The following NLN variants were observed in gnomAD, a reference collection of about 807,000 sequenced individuals.
The protein encoded by NLN is neurolysin, also known as neurolysin, mitochondrial.
Under a neutral mutation model 79.9 loss-of-function variants are expected in NLN, and 64 were observed. That is an observed-to-expected ratio of 0.80 (90% confidence interval 0.65 to 0.99). The LOEUF (loss-of-function observed/expected upper bound fraction) is 0.99, where lower values mean the gene tolerates loss of function less well. Among genes scored for constraint, NLN ranks in the 50% least tolerant of loss-of-function variants. The pLI is 0.00. For missense variants in NLN, 835 were observed against 858.7 expected, an observed-to-expected ratio of 0.97 and a Z score of 0.34; for synonymous variants, 267 against 296.6, an observed-to-expected ratio of 0.90 and a Z score of 1.02.
At position 65,825,848 on chromosome 5, in the gene NLN, G is replaced by C. The variant is rs779157868; in HGVS notation, c.*2933G>C. On this transcript the variant is annotated 3_prime_UTR_variant, in exon 13 of 13. Transcript: ENST00000380985. Reference sequence around the variant, plus strand: ...CTTTAGCTTTTATGTATGAATTATAGGTCTGTGGAGATTCTGCCTCCCCAC... The same window carrying C: ...CTTTAGCTTTTATGTATGAATTATACGTCTGTGGAGATTCTGCCTCCCCAC... The C allele has an allele frequency of 1.1e-4, 17 of 152,140 alleles. No homozygotes were observed. Among genetic ancestry groups the C allele is most frequent in the Non-Finnish European group, 2.2e-4 (15 of 68,038 alleles). 9.4% of individuals were successfully genotyped at this position (152,140 alleles called of 1,614,324 possible).
chr5:65,822,719 T>C lies in NLN; in HGVS notation c.1981-62T>C. ...CACCCCTACCCTCTCCTCTTTTGCA[T>C]CTAGAGATTTGGAAAATTGCTAGAA... On this transcript the variant is annotated intron_variant, in intron 12 of 12. Coordinates refer to ENST00000380985, the MANE Select transcript of NLN (RefSeq NM_020726.5). 5.4e-6 allele frequency: 7 copies of C among 1,292,892 alleles called. No homozygotes were observed. The South Asian group carries it at 8.3e-5, about 15-fold the overall frequency. 80.1% of individuals were successfully genotyped at this position (1,292,892 alleles called of 1,614,324 possible).
intron 3 of NLN, 47 bp from the exon 4 acceptor site, chr5:65,777,380 C>T: frequency 1.7e-6 from 2 of 1,186,718 alleles, no homozygotes; most frequent in Non-Finnish European, 2.5e-6. Flanking sequence ...TATAATTTAC[C>T]TGTGCACTGT....
chr5:65,769,910 G>A (rs1383646342), intron 3 of NLN, among the ~76,000 whole-genome samples: 1 of 152,206 alleles, frequency 6.6e-6, no homozygotes, highest in Non-Finnish European at 1.5e-5. Flanking sequence ...TAAAAAGCAA[G>A]CATTCAGTAA....
At chr5:65,722,509 G>GCCTCT (rs1758337776) in intron 1 of NLN, 95 bp downstream of exon 1, 9 of 1,172,308 alleles carry the variant, frequency 7.7e-6, no homozygotes, top group Admixed American at 6.5e-5. Context: ...TCCCGACCGC[G>GCCTCT]CCTCTCCGAC....
chr5:65,813,266 A>G (rs1257532969), intron 12 of NLN, among the ~76,000 whole-genome samples: 2 of 152,074 alleles, frequency 1.3e-5, no homozygotes, highest in Admixed American at 6.5e-5. Context: ...GAAGCATTTC[A>G]TCTCCCATCC....
rs1758324277 is a variant in NLN at position 65,722,317 on chromosome 5, TCGCCGCCCCA to T, written c.-51_-42del. 2 of 1,456,114 alleles carry T rather than the reference TCGCCGCCCCA, an allele frequency of 1.4e-6. No homozygotes were observed. The highest frequency in any genetic ancestry group is 5.7e-5 in the East Asian group (2 of 34,974). 90.2% of individuals were successfully genotyped at this position (1,456,114 alleles called of 1,614,324 possible). ...GGGCGCCCAGGCGCTGCCGCCCGCC[TCGCCGCCCCA>T]CGCCGAAGGACCACGCGCCCGCCGC... is the stretch of plus-strand genomic sequence containing the variant. On this transcript the variant is annotated 5_prime_UTR_variant, in exon 1 of 13. Coordinates refer to ENST00000380985, the MANE Select transcript of NLN (RefSeq NM_020726.5).
intron 8 of NLN, among the ~76,000 whole-genome samples, chr5:65,789,172 T>C (rs1290616389): frequency 6.6e-6 from 1 of 152,152 alleles, no homozygotes; most frequent in African/African-American, 2.4e-5. Context: ...CTCTTCCATA[T>C]TTCTCACATG....
intron 1 of NLN, among the ~76,000 whole-genome samples, chr5:65,752,999 A>G (rs1759133663): frequency 6.6e-6 from 1 of 152,154 alleles, no homozygotes; most frequent in African/African-American, 2.4e-5. Flanking sequence ...ATTAAGGGAG[A>G]AATAGCTTTT....
At chr5:65,791,956 T>C (rs949612167) in intron 8 of NLN, among the ~76,000 whole-genome samples, 5 of 152,218 alleles carry the variant, frequency 3.3e-5, no homozygotes, top group African/African-American at 1.2e-4. Context: ...CCTGTCTAGT[T>C]TATAAAAGAA....
At chr5:65,782,944 C>A (rs535633986) in intron 6 of NLN, among the ~76,000 whole-genome samples, 1 of 152,312 alleles carries the variant, frequency 6.6e-6, no homozygotes, top group Non-Finnish European at 1.5e-5. Context: ...TGCTTCCCAG[C>A]CTGCAATGTC....
chr5:65,810,432 C>T (rs917418017), intron 11 of NLN, among the ~76,000 whole-genome samples: 1 of 152,198 alleles, frequency 6.6e-6, no homozygotes, highest in African/African-American at 2.4e-5. Context: ...GAGAGCCATT[C>T]GTGTTGGCAG....
intron 7 of NLN, among the ~76,000 whole-genome samples, chr5:65,786,682 C>T (rs1182479621): frequency 6.6e-6 from 1 of 151,978 alleles, no homozygotes; most frequent in Non-Finnish European, 1.5e-5. Context: ...CAAAGAGACC[C>T]CAACCCTGTC....
At chr5:65,748,924 G>T (rs544038124) in intron 1 of NLN, among the ~76,000 whole-genome samples, 2 of 152,242 alleles carry the variant, frequency 1.3e-5, no homozygotes, top group African/African-American at 4.8e-5. Flanking sequence ...ATCCTCATGT[G>T]TCATGGGAGG....
intron 3 of NLN, among the ~76,000 whole-genome samples, chr5:65,767,610 TA>T (rs1319658366): frequency 6.6e-6 from 1 of 152,230 alleles, no homozygotes; most frequent in African/African-American, 2.4e-5. Context: ...TCTTGTTACT[TA>T]TGCAAATTTC....
chr5:65,800,998 C>T (rs563001999), intron 9 of NLN, among the ~76,000 whole-genome samples: 129 of 152,166 alleles, frequency 8.5e-4, no homozygotes, highest in Admixed American at 1.7e-3. Flanking sequence ...TGGCCAAAAT[C>T]GTGTATTTAG....
At chr5:65,818,004 T>C (rs1760706084) in intron 12 of NLN, among the ~76,000 whole-genome samples, 1 of 152,242 alleles carries the variant, frequency 6.6e-6, no homozygotes. Context: ...TGATTTTTCT[T>C]ATAACTGAAC....
chr5:65,814,633 T>C (rs1353798520), intron 12 of NLN, among the ~76,000 whole-genome samples: 1 of 152,188 alleles, frequency 6.6e-6, no homozygotes, highest in Non-Finnish European at 1.5e-5. Flanking sequence ...TGCCACTATG[T>C]GACCACATAC....
At chr5:65,778,774 GCTT>G (rs944883866) in intron 4 of NLN, among the ~76,000 whole-genome samples, 4 of 152,072 alleles carry the variant, frequency 2.6e-5, no homozygotes, top group Non-Finnish European at 4.4e-5. Flanking sequence ...CTAAAGGGTG[GCTT>G]CCTTTCATTC....
Position 65,822,957 on chromosome 5 carries a change from C to T in NLN, c.*42C>T, listed in dbSNP as rs749852585. 7.0e-6 allele frequency: 11 copies of T among 1,574,572 alleles called. No individual in the cohort carries two copies. Among genetic ancestry groups the T allele is most frequent in the East Asian group, 2.2e-5 (1 of 44,508 alleles). On this transcript the variant is annotated 3_prime_UTR_variant, in exon 13 of 13. Transcript: ENST00000380985. ...AGCCGTCCATGTCTGGAGGACAAGT[C>T]GACATCACCATGTGTTACTGGCCTG...
Sources: gnomAD v4.1 joint callset for allele counts (sites outside exome capture counted in the v4.1 genomes callset) on GRCh38, gnomAD v4.1.1 for gene constraint, MANE v1.5 for transcripts, NCBI Gene and HGNC (gene_info 2026-07-23, HGNC 2026-07-21) for gene names.